COLEC11: variants seen among roughly 807,000 people sequenced by gnomAD.
COLEC11 encodes collectin-11.
Under a neutral mutation model 27.3 loss-of-function variants are expected in COLEC11, and 20 were observed. The ratio of observed to expected loss-of-function variants is 0.73; its 90% CI spans 0.51 to 1.06. COLEC11 has a LOEUF of 1.06. Ranked by LOEUF, COLEC11 falls within the 50% of genes least tolerant of loss-of-function variation. The pLI, the probability that COLEC11 is intolerant of heterozygous loss-of-function variation, is 0.00. For synonymous variants in COLEC11, 163 were observed against 154.7 expected (o/e 1.05, Z -0.40); for missense variants, 310 against 383.0 (o/e 0.81, Z 1.59).
At chr2:3,604,575 A>G (rs1662490020) in intron 2 of COLEC11, 105 bp downstream of exon 2, 2 of 1,294,342 alleles carry the variant, frequency 1.5e-6, no homozygotes, top group Non-Finnish European at 2.2e-6. Flanking sequence ...AGCCCCAGCA[A>G]ATCTGCTTAC....
intron 3 of COLEC11, among the ~76,000 whole-genome samples, chr2:3,625,658 A>ACT (rs1266291847): frequency 9.8e-6 from 1 of 102,218 alleles, no homozygotes; most frequent in African/African-American, 3.7e-5. Flanking sequence ...ACAGAGTCTC[A>ACT]CTCTCGCTCT....
At chr2:3,617,215 C>CA (rs1327629899) in intron 3 of COLEC11, among the ~76,000 whole-genome samples, 5 of 150,826 alleles carry the variant, frequency 3.3e-5, no homozygotes, top group Admixed American at 1.3e-4. Flanking sequence ...AATCATTTGA[C>CA]AAAAAGAAAA....
At chr2:3,638,995 C>T (rs1244135603) in intron 4 of COLEC11, among the ~76,000 whole-genome samples, 1 of 152,194 alleles carries the variant, frequency 6.6e-6, no homozygotes, top group Non-Finnish European at 1.5e-5. Context: ...CCCCGGTAAC[C>T]TCCAATCTAC....
At chr2:3,624,056 T>C (rs962167915) in intron 3 of COLEC11, among the ~76,000 whole-genome samples, 9 of 152,222 alleles carry the variant, frequency 5.9e-5, no homozygotes, top group African/African-American at 2.2e-4. Context: ...TTTGCTTCTC[T>C]TGGAGAGGGG....
chr2:3,613,487 C>T lies in COLEC11; in HGVS notation c.202+105C>T, dbSNP rs548423471. ...GGTGGTGGTTCCAGAGAGGACAGGC[C>T]CTGCCCTCTGGGTCCCAGGGAGGCA... On this transcript the variant is annotated intron_variant, in intron 3 of 6. Coordinates refer to ENST00000349077, the MANE Select transcript of COLEC11 (RefSeq NM_024027.5). 478 of 1,237,666 alleles carry T rather than the reference C, an allele frequency of 3.9e-4. 1 individual carries two copies. The highest frequency in any genetic ancestry group is 5.1e-4 in the Middle Eastern group (2 of 3,936). 76.7% of individuals were successfully genotyped at this position (1,237,666 alleles called of 1,614,324 possible).
At position 3,604,490 on chromosome 2, in the gene COLEC11, TGG is replaced by T; in HGVS notation, c.130+22_130+23del. 1 of 1,613,370 alleles carries T rather than the reference TGG, an allele frequency of 6.2e-7. No homozygotes were observed. The highest frequency in any genetic ancestry group is 8.5e-7 in the Non-Finnish European group (1 of 1,179,904). On this transcript the variant is annotated intron_variant, in intron 2 of 6. Transcript: ENST00000349077. Reference sequence around the variant, plus strand: ...TCAAAGGTAACCGCTCCCTGGACTCTGGGCTGCTGGGCAGTGGCCTCCGGGCC... The same window carrying T: ...TCAAAGGTAACCGCTCCCTGGACTCTGCTGCTGGGCAGTGGCCTCCGGGCC...
rs541302740 is a variant in COLEC11, at chr2:3,641,473, G to A, written c.328+1142G>A. Reference sequence around the variant, plus strand: ...GCAAGGAGAGGGGACGTCCCATCCCGGGGCTGAGCTGCTATCGTCAGGCCT... The same window carrying A: ...GCAAGGAGAGGGGACGTCCCATCCCAGGGCTGAGCTGCTATCGTCAGGCCT... On this transcript the variant is annotated intron_variant, in intron 5 of 6. Transcript: ENST00000349077. The A allele has an allele frequency of 1.6e-4, 200 of 1,228,996 alleles. 1 individual carries two copies. The Middle Eastern group carries it at 2.1e-3, about 13-fold the overall frequency. The allele number at this position is 1,228,996 out of a possible 1,614,324, so 76.1% of individuals were successfully genotyped here.
At chr2:3,600,573 A>C (rs146041897) in intron 1 of COLEC11, among the ~76,000 whole-genome samples, 5 of 152,310 alleles carry the variant, frequency 3.3e-5, no homozygotes, top group African/African-American at 9.6e-5. Context: ...AATATGGTTT[A>C]AGAACGCATA....
At chr2:3,635,755 C>T (rs1257198535) in intron 3 of COLEC11, among the ~76,000 whole-genome samples, 1 of 152,206 alleles carries the variant, frequency 6.6e-6, no homozygotes, top group Non-Finnish European at 1.5e-5. Context: ...CTGCCTCCCT[C>T]GTCCCTGCAT....
intron 3 of COLEC11, among the ~76,000 whole-genome samples, chr2:3,615,923 G>A (rs1407711560): frequency 1.7e-4 from 17 of 98,744 alleles, no homozygotes; most frequent in Admixed American, 6.5e-4. Flanking sequence ...CCTCCCGGAC[G>A]GGGGGGCTGC....
intron 2 of COLEC11, among the ~76,000 whole-genome samples, chr2:3,609,357 T>C (rs367977009): frequency 0.064 from 5,209 of 81,252 alleles, 112 homozygotes; most frequent in East Asian, 0.14. Context: ...CTTTGATTTT[T>C]TTTTTTTTTT....
chr2:3,617,787 G>A, intron 3 of COLEC11: 2 of 866,986 alleles, frequency 2.3e-6, no homozygotes, highest in Non-Finnish European at 3.8e-6. Context: ...AGGAGCCTCT[G>A]TACTGTTTTC....
intron 1 of COLEC11, among the ~76,000 whole-genome samples, chr2:3,598,447 T>A (rs1662009339): frequency 6.6e-6 from 1 of 152,262 alleles, no homozygotes; most frequent in African/African-American, 2.4e-5. Context: ...CTCATTCACT[T>A]GTTCACTCAG....
rs1210231510 is a variant in COLEC11 at position 3,625,958 on chromosome 2, C to CT, written c.203-11574dup. The CT allele has an allele frequency of 1.2e-5, 18 of 1,488,964 alleles. No homozygotes were observed. In the African/African-American group the frequency reaches 2.1e-4, roughly 17 times the overall value. The allele number at this position is 1,488,964 out of a possible 1,614,324, so 92.2% of individuals were successfully genotyped here. On this transcript the variant is annotated intron_variant, in intron 3 of 6. Coordinates refer to ENST00000349077, the MANE Select transcript of COLEC11 (RefSeq NM_024027.5). The stretch of plus-strand genomic sequence containing the variant: ...GACTTTGCAAAGTTATTTAACATCT[C>CT]TATTATCTGAGTTGTCAGGCAGGGA...
At chr2:3,617,565 G>T (rs1663858434) in intron 3 of COLEC11, 7 of 1,602,748 alleles carry the variant, frequency 4.4e-6, no homozygotes, top group Non-Finnish European at 4.3e-6. Context: ...TTGCCTGCTT[G>T]CTTCTCCTGT....
chr2:3,637,841 G>T (rs927791699), intron 4 of COLEC11, among the ~76,000 whole-genome samples: 1 of 152,162 alleles, frequency 6.6e-6, no homozygotes, highest in East Asian at 1.9e-4. Flanking sequence ...TTTTCACAGC[G>T]CCCCAGGATG....
chr2:3,641,648 A>G (rs1331566366), intron 5 of COLEC11, among the ~76,000 whole-genome samples: 2 of 152,188 alleles, frequency 1.3e-5, no homozygotes, highest in African/African-American at 2.4e-5. Flanking sequence ...TAAAACTTCC[A>G]TTAAGAAAAC....
intron 1 of COLEC11, among the ~76,000 whole-genome samples, chr2:3,595,804 A>G (rs780333212): frequency 4.6e-5 from 7 of 152,200 alleles, no homozygotes; most frequent in Non-Finnish European, 1.0e-4. Context: ...TGCGCTAGGA[A>G]CTGGCGGTCT....
intron 2 of COLEC11, chr2:3,605,723 T>G (rs555808244): frequency 1.5e-4 from 31 of 212,102 alleles, no homozygotes; most frequent in Middle Eastern, 2.0e-3. Context: ...TATTGAAACA[T>G]TAGAGAAAAG....
Sources: allele counts gnomAD v4.1 joint callset (sites outside exome capture counted in the v4.1 genomes callset), GRCh38; gene constraint gnomAD v4.1.1; transcripts MANE v1.5; gene names NCBI Gene and HGNC (gene_info 2026-07-23, HGNC 2026-07-21).